Variants in ASZ1 observed in about 807,000 individuals in gnomAD.
The protein encoded by ASZ1 is ankyrin repeat, SAM and basic leucine zipper domain-containing protein 1.
ASZ1 carries 67 observed loss-of-function variants against 61.8 expected under a neutral mutation model. That is an observed-to-expected ratio of 1.08 (90% CI 0.89 to 1.33). The LOEUF is 1.33. ASZ1 is among the 40% of genes most tolerant of loss of function. The pLI is 0.00. For missense variants in ASZ1, 577 were observed against 554.5 expected, an observed-to-expected ratio of 1.04 and a Z score of -0.41; for synonymous variants, 193 against 192.7, an observed-to-expected ratio of 1.00 and a Z score of -0.01.
intron 5 of ASZ1, among the ~76,000 whole-genome samples, chr7:117,385,292 T>C (rs1264355680): frequency 6.6e-6 from 1 of 152,056 alleles, no homozygotes; most frequent in African/African-American, 2.4e-5. Flanking sequence ...GGAGTTTCGC[T>C]CTTGTTGCCC....
At chr7:117,421,463 C>T (rs1383124704) in intron 3 of ASZ1, among the ~76,000 whole-genome samples, 2 of 152,118 alleles carry the variant, frequency 1.3e-5, no homozygotes, top group African/African-American at 2.4e-5. Context: ...GATCCTCCTG[C>T]CTTAGACTCC....
At chr7:117,390,920 T>G (rs1471404471) in intron 4 of ASZ1, among the ~76,000 whole-genome samples, 4 of 152,144 alleles carry the variant, frequency 2.6e-5, no homozygotes, top group South Asian at 2.1e-4. Context: ...GCCAGGCTGG[T>G]CTTGACCTCC....
In ASZ1 at chr7:117,385,774, T is replaced by C. The variant is rs1164982102; in HGVS notation, c.476A>G (p.Asp159Gly). The change falls in exon 5 of 13, where the codon GAT (aspartate) becomes GGT (glycine). Residue 159 changes from aspartate (D) to glycine (G), a missense_variant. Transcript: ENST00000284629. The stretch of plus-strand genomic sequence containing the variant: ...GAGAGCAACAACCTGGGTGTGACCA[T>C]CTCGAGCAGCATACATGATTGGGGT... ...LMTPIMYAAR[D>G]GHTQVVALLV... 2 of 1,613,458 alleles carry C rather than the reference T, an allele frequency of 1.2e-6. No individual in the cohort carries two copies. The highest frequency in any genetic ancestry group is 1.3e-5 in the African/African-American group (1 of 74,880).
intron 8 of ASZ1, 104 bp from the exon 9 acceptor site, chr7:117,381,171 A>G: frequency 1.0e-6 from 1 of 1,002,886 alleles, no homozygotes; most frequent in Non-Finnish European, 1.5e-6. Flanking sequence ...TCTGAAGCAA[A>G]TTCCAATTTT....
intron 4 of ASZ1, among the ~76,000 whole-genome samples, chr7:117,401,748 A>G (rs1796685771): frequency 6.6e-6 from 1 of 152,186 alleles, no homozygotes; most frequent in Non-Finnish European, 1.5e-5. Context: ...AATCCCCTGT[A>G]CAGCCTGCAT....
At chr7:117,422,092 T>C in intron 3 of ASZ1, 145 bp downstream of exon 3, 2 of 838,428 alleles carry the variant, frequency 2.4e-6, no homozygotes, top group Non-Finnish European at 3.4e-6. Flanking sequence ...TGGTTTCTAA[T>C]TTGATTTTGT....
intron 3 of ASZ1, among the ~76,000 whole-genome samples, 196 bp downstream of exon 3, chr7:117,422,041 G>T (rs1797107866): frequency 6.6e-6 from 1 of 152,034 alleles, no homozygotes; most frequent in Non-Finnish European, 1.5e-5. Flanking sequence ...TACTATAACT[G>T]GAATTTATGT....
At chr7:117,386,596 C>T (rs572980059) in intron 4 of ASZ1, among the ~76,000 whole-genome samples, 1 of 152,214 alleles carries the variant, frequency 6.6e-6, no homozygotes, top group Admixed American at 6.5e-5. Context: ...CCCAATTTTC[C>T]TGAGTCGTCC....
chr7:117,407,439 C>T (rs956880508), intron 4 of ASZ1, among the ~76,000 whole-genome samples: 3 of 151,876 alleles, frequency 2.0e-5, no homozygotes, highest in African/African-American at 7.3e-5. Flanking sequence ...GACAGTAGTC[C>T]CTGCTTTATC....
In ASZ1 at chr7:117,363,368, A is replaced by G. The variant is rs1179639811; in HGVS notation, c.*228T>C. The stretch of plus-strand genomic sequence containing the variant: ...GATTTAGATACGATCAAACCAAAAA[A>G]TTACTTATACTTTACTACCTAATCA... On this transcript the variant is annotated 3_prime_UTR_variant, in exon 13 of 13. Coordinates refer to ENST00000284629, the MANE Select transcript of ASZ1 (RefSeq NM_130768.3). 1 of 299,756 alleles carries G rather than the reference A, an allele frequency of 3.3e-6. No individual in the cohort carries two copies. 18.6% of individuals were successfully genotyped at this position (299,756 alleles called of 1,614,324 possible).
chr7:117,405,245 A>G (rs1196660202), intron 4 of ASZ1, among the ~76,000 whole-genome samples: 1 of 152,194 alleles, frequency 6.6e-6, no homozygotes, highest in Non-Finnish European at 1.5e-5. Context: ...AGACTCTTCA[A>G]ATGAGTTACG....
At chr7:117,407,062 C>A (rs149783240) in intron 4 of ASZ1, among the ~76,000 whole-genome samples, 2 of 151,938 alleles carry the variant, frequency 1.3e-5, no homozygotes, top group African/African-American at 4.8e-5. Flanking sequence ...TAATGAAACA[C>A]CGATCAGTGT....
chr7:117,364,850 C>T (rs957835837), intron 12 of ASZ1, among the ~76,000 whole-genome samples: 1 of 152,054 alleles, frequency 6.6e-6, no homozygotes, highest in Non-Finnish European at 1.5e-5. Flanking sequence ...GACAGTCATT[C>T]CTTTTATTAA....
intron 10 of ASZ1, among the ~76,000 whole-genome samples, chr7:117,372,395 A>C (rs1319069824): frequency 6.6e-6 from 1 of 152,098 alleles, no homozygotes; most frequent in African/African-American, 2.4e-5. Context: ...TGATCCTGCC[A>C]TCTCTCTCTT....
chr7:117,403,228 A>G (rs1303769745), intron 4 of ASZ1, among the ~76,000 whole-genome samples: 8 of 152,150 alleles, frequency 5.3e-5, no homozygotes, highest in Admixed American at 5.2e-4. Context: ...TTTTCATCAG[A>G]AGGGAAGTGA....
chr7:117,397,215 T>C (rs752870481), intron 4 of ASZ1, among the ~76,000 whole-genome samples: 37 of 151,190 alleles, frequency 2.4e-4, no homozygotes, highest in Non-Finnish European at 4.4e-4. Flanking sequence ...GTCTCCGAAC[T>C]GAACCGAACC....
At chr7:117,370,285 G>T (rs142992407) in intron 10 of ASZ1, among the ~76,000 whole-genome samples, 1 of 152,130 alleles carries the variant, frequency 6.6e-6, no homozygotes, top group Non-Finnish European at 1.5e-5. Context: ...TCAAAACTAT[G>T]ATCATAAAGA....
chr7:117,426,559 G>C (rs1426287997), intron 2 of ASZ1, among the ~76,000 whole-genome samples: 1 of 150,754 alleles, frequency 6.6e-6, no homozygotes, highest in Admixed American at 6.6e-5. Flanking sequence ...TAAATGAAGA[G>C]AGAATTAAGA....
intron 2 of ASZ1, among the ~76,000 whole-genome samples, chr7:117,424,124 G>A (rs773723473): frequency 6.6e-6 from 1 of 152,100 alleles, no homozygotes; most frequent in East Asian, 1.9e-4. Context: ...CTATAGAAAA[G>A]TAGTTATCTC....
Sources: gnomAD v4.1 joint callset for allele counts (sites outside exome capture counted in the v4.1 genomes callset) on GRCh38, gnomAD v4.1.1 for gene constraint, MANE v1.5 for transcripts, NCBI Gene and HGNC (gene_info 2026-07-23, HGNC 2026-07-21) for gene names.